RINL: variants seen among roughly 807,000 people sequenced by gnomAD.
The protein encoded by RINL is Ras and Rab interactor like, also known as ras and Rab interactor-like protein.
A neutral mutation model predicts 58.1 loss-of-function variants in RINL; 39 were observed. The observed-to-expected ratio is 0.67, with a 90% confidence interval of 0.52 to 0.88. RINL has a LOEUF of 0.88. Ranked by LOEUF, RINL falls within the 40% of genes least tolerant of loss-of-function variation. RINL has a pLI of 0.00. For synonymous variants in RINL, 286 were observed against 323.1 expected (o/e 0.89, Z 1.23); for missense variants, 711 against 749.2 (o/e 0.95, Z 0.60).
In RINL at chr19:38,873,762, G is replaced by A. The variant is rs376212814; in HGVS notation, c.313+124C>T. On this transcript the variant is annotated intron_variant, in intron 4 of 11. Transcript: ENST00000591812. ...GCTGGTCTCAAAATCCTGGCCTCAA[G>A]CGATCCACCCGCCTCGACCTACCAA... The A allele has an allele frequency of 3.3e-4, 195 of 593,448 alleles. 2 individuals are homozygous for A. In the South Asian group the frequency reaches 3.6e-3, roughly 11 times the overall value. 36.8% of individuals were successfully genotyped at this position (593,448 alleles called of 1,614,324 possible). A position where few individuals can be genotyped will look rare whatever the true frequency, so the allele number is the denominator to read the frequency against.
chr19:38,871,991 G>T, intron 4 of RINL, 121 bp from the exon 5 acceptor site: 1 of 748,124 alleles, frequency 1.3e-6, no homozygotes, highest in Non-Finnish European at 2.3e-6. Context: ...GAACAGGGAA[G>T]TTCCCACTCT....
intron 1 of RINL, among the ~76,000 whole-genome samples, chr19:38,877,583 C>T (rs1600098922): frequency 6.6e-6 from 1 of 152,254 alleles, no homozygotes; most frequent in East Asian, 1.9e-4. Context: ...AGGAAACATC[C>T]CTATGCCCAC....
chr19:38,871,234 CCAG>C lies in RINL; in HGVS notation c.452-10_452-8del. On this transcript the variant is annotated splice_region_variant and splice_polypyrimidine_tract_variant and intron_variant, in intron 6 of 11. Coordinates refer to ENST00000591812, the MANE Select transcript of RINL (RefSeq NM_001195833.2). ...CTGCCGATCTGCACAGGATCTGGAG[CCAG>C]CAGAAGTGAGAAGGTGTCCTAGGTA... The C allele has an allele frequency of 1.2e-6, 2 of 1,613,882 alleles. No homozygotes were observed. The highest frequency in any genetic ancestry group is 8.5e-7 in the Non-Finnish European group (1 of 1,179,992).
In RINL at chr19:38,867,993, C is replaced by G. The variant is rs1972710279; in HGVS notation, c.*1111G>C. Reference sequence around the variant, plus strand: ...TGGTGTTTCACTCTTGTTGCCCAGGCTGGAGTGCAATGGCGCAATCTCCGC... The same window carrying G: ...TGGTGTTTCACTCTTGTTGCCCAGGGTGGAGTGCAATGGCGCAATCTCCGC... On this transcript the variant is annotated 3_prime_UTR_variant, in exon 12 of 12. Transcript: ENST00000591812. 1 of 152,198 alleles carries G rather than the reference C, an allele frequency of 6.6e-6. No homozygotes were observed. The highest frequency in any genetic ancestry group is 6.5e-5 in the Admixed American group (1 of 15,280). The allele number at this position is 152,198 out of a possible 1,614,324, so 9.4% of individuals were successfully genotyped here.
rs760355208 is a variant in RINL at position 38,869,524 on chromosome 19, C to T, written c.1474+49G>A. 3.1e-6 allele frequency: 5 copies of T among 1,603,912 alleles called. No individual in the cohort carries two copies. The African/African-American group carries it at 5.4e-5, about 17-fold the overall frequency. ...TGCGGGGGGAGGCTGTTTGGGATCCCGGAGGTACTGGATCGCTGGGCTCCA... is the reference window on the plus strand; with the variant it reads ...TGCGGGGGGAGGCTGTTTGGGATCCTGGAGGTACTGGATCGCTGGGCTCCA... On this transcript the variant is annotated intron_variant, in intron 10 of 11. Transcript: ENST00000591812. The surrounding 1 kb of genome is among the most constrained non-coding windows in gnomAD (Gnocchi z 5.7).
chr19:38,871,763 G>C, intron 5 of RINL, 35 bp downstream of exon 5: 1 of 1,612,996 alleles, frequency 6.2e-7, no homozygotes, highest in African/African-American at 1.3e-5. Context: ...CTTAGGGAAG[G>C]GTCCCCCTTA....
Position 38,869,650 on chromosome 19 carries a change from C to T in RINL, c.1397G>A (p.Ser466Asn). ...CAGCTGCGTGTCCCCAATGTCCGGG[C>T]TCCAGATGAGTTCCTCGGTCAGCGC... ...LPALTEELIW[S>N]PDIGDTQLDV... The change falls in exon 10 of 12, where the codon AGC becomes AAC. Residue 466 changes from serine (S) to asparagine (N), a missense_variant. By Grantham distance (46) the Ser-to-Asn change is conservative. Coordinates refer to ENST00000591812, the MANE Select transcript of RINL (RefSeq NM_001195833.2). This position sits in a 1 kb window ranked among gnomAD's most constrained non-coding sequence, Gnocchi z 5.7. 1.2e-6 allele frequency: 2 copies of T among 1,613,976 alleles called. No homozygotes were observed. The highest frequency in any genetic ancestry group is 1.7e-6 in the Non-Finnish European group (2 of 1,180,010).
In RINL at chr19:38,869,050, C is replaced by A; in HGVS notation, c.*54G>T. ...TCCTGGGCTCAAGCAATCCTCCCAC[C>A]TTGGCCTCCCAAAATGTTGGGATTA... On this transcript the variant is annotated 3_prime_UTR_variant, in exon 12 of 12. Coordinates refer to ENST00000591812, the MANE Select transcript of RINL (RefSeq NM_001195833.2). The surrounding 1 kb of genome is among the most constrained non-coding windows in gnomAD (Gnocchi z 5.7). The A allele has an allele frequency of 1.3e-6, 2 of 1,503,302 alleles. No homozygotes were observed. The highest frequency in any genetic ancestry group is 2.0e-5 in the Admixed American group (1 of 49,548). 93.1% of individuals were successfully genotyped at this position (1,503,302 alleles called of 1,614,324 possible).
At position 38,870,575 on chromosome 19, in the gene RINL, T is replaced by A. The variant is rs763246999; in HGVS notation, c.1019A>T (p.Asp340Val). ...RGPGLPKKDE[D>V]PGPALETAVC... ...CCTTCCAGTCCTCCCATTACCTGGA[T>A]CCTCGTCCTTCTTGGGGAGCCCAGG... is the stretch of plus-strand genomic sequence containing the variant. The change falls in exon 8 of 12, where the codon GAT becomes GTT. Residue 340 changes from aspartate to valine, a missense_variant. Asp to Val is a radical substitution (Grantham distance 152). Transcript: ENST00000591812. This position sits in a 1 kb window ranked among gnomAD's most constrained non-coding sequence, Gnocchi z 5.8. 11 of 1,565,768 alleles carry A rather than the reference T, an allele frequency of 7.0e-6. No individual in the cohort carries two copies. In the East Asian group the frequency reaches 2.5e-4, roughly 35 times the overall value.
chr19:38,869,574 C>G lies in RINL; in HGVS notation c.1473G>C (p.Glu491Asp), dbSNP rs771470330. The change falls in exon 10 of 12, where the codon GAG becomes GAC. Residue 491 changes from glutamate (E) to aspartate (D), a missense_variant and splice_region_variant. By Grantham distance (45) the Glu-to-Asp change is conservative. Transcript: ENST00000591812. The surrounding 1 kb of genome is among the most constrained non-coding windows in gnomAD (Gnocchi z 5.7). ...AGCATTCTGGAGTTGGGGGCTCACC[C>G]TCTCCCCGCAGCTCATCTGGATCTA... ...ELLDPDELRG[E>D]AGYYLTTWFG... 1.5e-5 allele frequency: 24 copies of G among 1,613,722 alleles called. No homozygotes were observed. The highest frequency in any genetic ancestry group is 2.0e-5 in the Non-Finnish European group (24 of 1,179,942).
Position 38,871,136 on chromosome 19 carries a change from C to T in RINL, c.543G>A (p.Trp181Ter). The T allele has an allele frequency of 3.7e-6, 6 of 1,613,658 alleles. No homozygotes were observed. Among genetic ancestry groups the T allele is most frequent in the Non-Finnish European group, 5.1e-6 (6 of 1,179,738 alleles). ...NQLYLETHRGWGREQTPQETE... is the reference protein window; with the variant it reads ...NQLYLETHRG ...TTTCTTGAGGGGTCTGCTCCCTCCC[C>T]CAGCCTCTGTGGGTCTCCAGGTAGA... is the stretch of plus-strand genomic sequence containing the variant. Residue 181 changes from tryptophan (W) to a stop codon, truncating the protein, a stop_gained, in exon 7 of 12, where the codon TGG becomes TGA. Coordinates refer to ENST00000591812, the MANE Select transcript of RINL (RefSeq NM_001195833.2). LOFTEE classifies it high-confidence loss of function.
rs752382508 is a variant in RINL at position 38,870,591 on chromosome 19, G to A, written c.1003C>T (p.Pro335Ser). The change falls in exon 8 of 12, where the codon CCC becomes TCC. Residue 335 changes from proline to serine, a missense_variant. By Grantham distance (74) the Pro-to-Ser change is moderately conservative. Transcript: ENST00000591812. The surrounding 1 kb of genome is among the most constrained non-coding windows in gnomAD (Gnocchi z 5.8). Reference sequence around the variant, plus strand: ...TTACCTGGATCCTCGTCCTTCTTGGGGAGCCCAGGACCCCTGCTTCCAAAG... The same window carrying A: ...TTACCTGGATCCTCGTCCTTCTTGGAGAGCCCAGGACCCCTGCTTCCAAAG... ...AVFGSRGPGL[P>S]KKDEDPGPAL... 1.8e-5 allele frequency: 29 copies of A among 1,584,868 alleles called. No individual in the cohort carries two copies. Among genetic ancestry groups the A allele is most frequent in the Non-Finnish European group, 2.3e-5 (27 of 1,165,664 alleles).
At position 38,870,632 on chromosome 19, in the gene RINL, G is replaced by T; in HGVS notation, c.962C>A (p.Ser321Tyr). ...TDLQDHLAKD[S>Y]YIRAVFGSRG... ...GCTTCCAAAGACAGCCCTGATGTAGGAGTCCTTTGCCAGGTGATCCTGGAG... is the reference window on the plus strand; with the variant it reads ...GCTTCCAAAGACAGCCCTGATGTAGTAGTCCTTTGCCAGGTGATCCTGGAG... Residue 321 changes from serine to tyrosine, a missense_variant, in exon 8 of 12, where the codon TCC becomes TAC. Physicochemically the swap from Ser to Tyr is moderately radical, Grantham distance 144 (BLOSUM62 -2). Coordinates refer to ENST00000591812, the MANE Select transcript of RINL (RefSeq NM_001195833.2). The surrounding 1 kb of genome is among the most constrained non-coding windows in gnomAD (Gnocchi z 5.8). 1 of 1,612,850 alleles carries T rather than the reference G, an allele frequency of 6.2e-7. No homozygotes were observed.
In RINL at chr19:38,871,687, G is replaced by C. The variant is rs1972818709; in HGVS notation, c.411C>G (p.Leu137=). 6.2e-7 allele frequency: 1 copy of C among 1,614,062 alleles called. No homozygotes were observed. The highest frequency in any genetic ancestry group is 1.7e-5 in the Admixed American group (1 of 60,000). Residue 137 remains leucine, a synonymous_variant, in exon 6 of 12, where the codon CTC becomes CTG. Coordinates refer to ENST00000591812, the MANE Select transcript of RINL (RefSeq NM_001195833.2). ...ASRDVLPRTL[L]LPPPTLGPRD... is the part of the protein sequence containing the mutation. ...TGGGCCCTAGAGTGGGAGGGGGCAA[G>C]AGCAGGGTTCTGGGCAGAACATCCC...
rs761969069 is a variant in RINL at position 38,870,699 on chromosome 19, C to T, written c.895G>A (p.Ala299Thr). Residue 299 changes from alanine to threonine, a missense_variant, in exon 8 of 12, where the codon GCC (alanine) becomes ACC (threonine). Transcript: ENST00000591812. This position sits in a 1 kb window ranked among gnomAD's most constrained non-coding sequence, Gnocchi z 5.8. ...SGGPHGSGDPATELLQDVRHL... is the reference protein window; with the variant it reads ...SGGPHGSGDPTTELLQDVRHL... ...CGCACATCCTGAAGCAGCTCCGTGG[C>T]CGGGTCCCCAGACCCGTGGGGACCC... is the stretch of plus-strand genomic sequence containing the variant. The T allele has an allele frequency of 3.7e-6, 6 of 1,613,660 alleles. No homozygotes were observed. The highest frequency in any genetic ancestry group is 5.1e-6 in the Non-Finnish European group (6 of 1,179,912).
chr19:38,876,884 C>G (rs938051125), intron 1 of RINL, 103 bp from the exon 2 acceptor site: 2 of 662,874 alleles, frequency 3.0e-6, no homozygotes, highest in Non-Finnish European at 5.3e-6. Flanking sequence ...CAGAATGGAC[C>G]CCAGAGGCCG....
In RINL at chr19:38,871,781, A is replaced by G; in HGVS notation, c.386+17T>C. 1 of 1,613,850 alleles carries G rather than the reference A, an allele frequency of 6.2e-7. No individual in the cohort carries two copies. The highest frequency in any genetic ancestry group is 1.1e-5 in the South Asian group (1 of 91,074). ...AGGGAAGGGTCCCCCTTAGTGCCTC[A>G]GATGGGTGACCTGTACCTGCTGGCT... On this transcript the variant is annotated intron_variant, in intron 5 of 11. Coordinates refer to ENST00000591812, the MANE Select transcript of RINL (RefSeq NM_001195833.2).
rs753693460 is a variant in RINL, at chr19:38,870,633, A to C, written c.961T>G (p.Ser321Ala). ...CTTCCAAAGACAGCCCTGATGTAGGAGTCCTTTGCCAGGTGATCCTGGAGG... is the reference window on the plus strand; with the variant it reads ...CTTCCAAAGACAGCCCTGATGTAGGCGTCCTTTGCCAGGTGATCCTGGAGG... ...TDLQDHLAKD[S>A]YIRAVFGSRG... The change falls in exon 8 of 12, where the codon TCC (serine) becomes GCC (alanine). Residue 321 changes from serine (S) to alanine (A), a missense_variant. By Grantham distance (99) the Ser-to-Ala change is moderately conservative (BLOSUM62 1). Transcript: ENST00000591812. This position sits in a 1 kb window ranked among gnomAD's most constrained non-coding sequence, Gnocchi z 5.8. 1.2e-6 allele frequency: 2 copies of C among 1,612,730 alleles called. No homozygotes were observed. The highest frequency in any genetic ancestry group is 1.7e-6 in the Non-Finnish European group (2 of 1,179,330).
chr19:38,874,198 T>C (rs1972871651), intron 3 of RINL, among the ~76,000 whole-genome samples: 1 of 152,122 alleles, frequency 6.6e-6, no homozygotes, highest in Non-Finnish European at 1.5e-5. Context: ...GCCAACAGGA[T>C]GAGGGTGCTC....
Sources: gnomAD v4.1 joint callset for allele counts (sites outside exome capture counted in the v4.1 genomes callset) on GRCh38, gnomAD v4.1.1 for gene constraint, Gnocchi (gnomAD v3.1) non-coding constraint, MANE v1.5 for transcripts, NCBI Gene and HGNC (gene_info 2026-07-23, HGNC 2026-07-21) for gene names.